FSTL4: variants seen among roughly 807,000 people sequenced by gnomAD.
FSTL4 encodes follistatin like 4.
A neutral mutation model predicts 78.2 loss-of-function variants in FSTL4; 28 were observed. The ratio of observed to expected loss-of-function variants is 0.36; its 90% CI spans 0.27 to 0.49. The LOEUF is 0.49. Ranked by LOEUF, FSTL4 falls within the 20% of genes least tolerant of loss-of-function variation. The probability of loss-of-function intolerance (pLI) is 0.98; values close to 1 mark genes in which losing one functional copy is unlikely to be tolerated. For missense variants in FSTL4, 922 were observed against 1,084.9 expected, an observed-to-expected ratio of 0.85 and a Z score of 2.11; for synonymous variants, 422 against 440.5, an observed-to-expected ratio of 0.96 and a Z score of 0.53.
chr5:133,576,884 T>C (rs1760295207), intron 2 of FSTL4, among the ~76,000 whole-genome samples: 2 of 152,244 alleles, frequency 1.3e-5, no homozygotes, highest in African/African-American at 4.8e-5. Flanking sequence ...TTACAATTTT[T>C]CATTTATTCA....
chr5:133,622,157 C>T, the FSTL4 span, among the ~76,000 whole-genome samples: 3 of 152,014 alleles, frequency 2.0e-5, no homozygotes, highest in Non-Finnish European at 4.4e-5. Context: ...CAACATGTAA[C>T]CTTTGGTAGA....
intron 4 of FSTL4, among the ~76,000 whole-genome samples, chr5:133,326,378 G>A (rs73282045): frequency 0.018 from 2,793 of 152,264 alleles, 73 homozygotes; most frequent in African/African-American, 0.059. Flanking sequence ...AAACAAACAT[G>A]GACAGGTGTA....
chr5:133,274,210 T>C (rs976719834), intron 6 of FSTL4, among the ~76,000 whole-genome samples: 3 of 152,114 alleles, frequency 2.0e-5, no homozygotes, highest in African/African-American at 4.8e-5. Context: ...TCCCATTTCC[T>C]GAACTTTAAG....
intron 4 of FSTL4, among the ~76,000 whole-genome samples, chr5:133,365,882 C>A (rs1755172170): frequency 6.6e-6 from 1 of 152,230 alleles, no homozygotes. Context: ...GCGTCAGCCT[C>A]CTGCAGCCTG....
At chr5:133,538,605 T>C (rs916021934) in intron 3 of FSTL4, among the ~76,000 whole-genome samples, 2 of 152,196 alleles carry the variant, frequency 1.3e-5, no homozygotes, top group African/African-American at 4.8e-5. Flanking sequence ...TATCTGGCAT[T>C]CTACCAGGAA....
the FSTL4 span, among the ~76,000 whole-genome samples, chr5:133,783,340 T>A: frequency 1.3e-5 from 2 of 152,366 alleles, no homozygotes; most frequent in Middle Eastern, 3.4e-3. Flanking sequence ...TAAATAGGAA[T>A]AATTATGATT....
At position 133,226,434 on chromosome 5, in the gene FSTL4, C is replaced by T. The variant is rs112237968; in HGVS notation, c.1016-615G>A. On this transcript the variant is annotated intron_variant, in intron 8 of 15. Coordinates refer to ENST00000265342, the MANE Select transcript of FSTL4 (RefSeq NM_015082.2). Reference sequence around the variant, plus strand: ...GGTGTGAGCCTGCCCACTCACCAGACGAGCATGGGTGGGCAAGGCTCCAGC... The same window carrying T: ...GGTGTGAGCCTGCCCACTCACCAGATGAGCATGGGTGGGCAAGGCTCCAGC... 3.2e-3 allele frequency among the ~76,000 whole-genome samples: 482 copies of T among 152,234 alleles called. 1 individual carries two copies. The highest frequency in any genetic ancestry group is 4.5e-3 in the African/African-American group (186 of 41,548).
rs192147883 is a variant in FSTL4 at position 133,285,054 on chromosome 5, C to A, written c.727+27600G>T. ...AGATGATAGGTGATGCTATGGAAGCCCCACTGGGCGGCCCTGAGAGTGGTC... is the reference window on the plus strand; with the variant it reads ...AGATGATAGGTGATGCTATGGAAGCACCACTGGGCGGCCCTGAGAGTGGTC... On this transcript the variant is annotated intron_variant, in intron 6 of 15. Transcript: ENST00000265342. 3.3e-5 allele frequency among the ~76,000 whole-genome samples: 5 copies of A among 152,290 alleles called. No homozygotes were observed. In the East Asian group the frequency reaches 9.7e-4, roughly 29 times the overall value.
chr5:133,519,875 G>C (rs1278539074), intron 3 of FSTL4, among the ~76,000 whole-genome samples: 2 of 152,324 alleles, frequency 1.3e-5, no homozygotes, highest in African/African-American at 4.8e-5. Context: ...TTAGGCAGGA[G>C]ATGTAGGTGT....
At chr5:133,609,208 A>T (rs1761038109) in intron 1 of FSTL4, among the ~76,000 whole-genome samples, 1 of 152,244 alleles carries the variant, frequency 6.6e-6, no homozygotes. Flanking sequence ...AGCCTTGAAG[A>T]GAACAGTCAG....
Position 133,603,998 on chromosome 5 carries a change from T to G in FSTL4, c.-10-5A>C, listed in dbSNP as rs1285379037. ...CCTGGTTTCATTTTGATGAGTCTGT[T>G]GAAGAAATGACAAATGCTGAGAATA... is the stretch of plus-strand genomic sequence containing the variant. On this transcript the variant is annotated splice_polypyrimidine_tract_variant and splice_region_variant and intron_variant, in intron 1 of 15. Transcript: ENST00000265342. The G allele has an allele frequency of 1.2e-6, 2 of 1,600,010 alleles. No individual in the cohort carries two copies. Among genetic ancestry groups the G allele is most frequent in the Non-Finnish European group, 1.7e-6 (2 of 1,167,360 alleles).
At chr5:133,828,314 T>C in the FSTL4 span, among the ~76,000 whole-genome samples, 11 of 152,234 alleles carry the variant, frequency 7.2e-5, no homozygotes, top group Non-Finnish European at 1.6e-4. Context: ...CATACACACA[T>C]GTGCCTAGTG....
the FSTL4 span, among the ~76,000 whole-genome samples, chr5:133,648,414 C>T: frequency 6.6e-6 from 1 of 152,208 alleles, no homozygotes; most frequent in African/African-American, 2.4e-5. Context: ...CCCTTGACTA[C>T]ACTTGTCAGG....
At chr5:133,745,214 T>A in the FSTL4 span, among the ~76,000 whole-genome samples, 1 of 152,254 alleles carries the variant, frequency 6.6e-6, no homozygotes, top group Non-Finnish European at 1.5e-5. Flanking sequence ...CAAAGCCCTT[T>A]CAATGGAAAT....
intron 4 of FSTL4, among the ~76,000 whole-genome samples, chr5:133,342,849 G>T (rs1024486325): frequency 3.9e-5 from 6 of 152,162 alleles, no homozygotes; most frequent in African/African-American, 1.4e-4. Context: ...GTGTGTGTTT[G>T]CACATGGCAG....
At chr5:133,232,422 C>T (rs1245652094) in intron 8 of FSTL4, among the ~76,000 whole-genome samples, 1 of 152,132 alleles carries the variant, frequency 6.6e-6, no homozygotes, top group Non-Finnish European at 1.5e-5. Context: ...TCTTGATTTT[C>T]CAAACTGTAT....
chr5:133,608,837 T>C (rs550118488), intron 1 of FSTL4, among the ~76,000 whole-genome samples: 1 of 152,248 alleles, frequency 6.6e-6, no homozygotes, highest in East Asian at 1.9e-4. Flanking sequence ...TAGGGAGAAA[T>C]AGGTATTCAT....
At chr5:133,401,527 A>G (rs1435793408) in intron 3 of FSTL4, among the ~76,000 whole-genome samples, 1 of 152,098 alleles carries the variant, frequency 6.6e-6, no homozygotes, top group Non-Finnish European at 1.5e-5. Context: ...TTACTATGTC[A>G]TGACTTTGGA....
At chr5:133,281,337 T>C (rs1349282249) in intron 6 of FSTL4, among the ~76,000 whole-genome samples, 4 of 152,072 alleles carry the variant, frequency 2.6e-5, no homozygotes, top group Non-Finnish European at 4.4e-5. Flanking sequence ...ATCTCTGAAA[T>C]AGGTGGGACT....
Sources: gnomAD v4.1 joint callset for allele counts (sites outside exome capture counted in the v4.1 genomes callset) on GRCh38, gnomAD v4.1.1 for gene constraint, MANE v1.5 for transcripts, NCBI Gene and HGNC (gene_info 2026-07-23, HGNC 2026-07-21) for gene names.